The following SOX6 variants were observed in gnomAD, a reference collection of about 807,000 sequenced individuals.
SOX6 encodes the protein transcription factor SOX-6.
Under a neutral mutation model 97.8 loss-of-function variants are expected in SOX6, and 11 were observed. The ratio of observed to expected loss-of-function variants is 0.11; its 90% CI spans 0.07 to 0.19. The LOEUF is 0.19. SOX6 is among the 10% of genes least tolerant of loss of function. SOX6 has a pLI of 1.00. For synonymous variants in SOX6, 360 were observed against 371.4 expected (o/e 0.97, Z 0.35); for missense variants, 810 against 1,039.5 (o/e 0.78, Z 3.04).
chr11:16,124,310 T>C (rs1254746552), intron 6 of SOX6, among the ~76,000 whole-genome samples: 1 of 152,050 alleles, frequency 6.6e-6, no homozygotes, highest in Non-Finnish European at 1.5e-5. Context: ...CAAAAATACA[T>C]ATATATATGT....
intron 1 of SOX6, among the ~76,000 whole-genome samples, chr11:16,425,587 AG>A (rs1274555812): frequency 6.6e-6 from 1 of 152,212 alleles, no homozygotes; most frequent in Non-Finnish European, 1.5e-5. Context: ...TTAGCCCAAA[AG>A]CTTCTTAGGC....
intron 3 of SOX6, among the ~76,000 whole-genome samples, chr11:16,694,846 G>A (rs1848041511): frequency 6.6e-6 from 1 of 152,028 alleles, no homozygotes; most frequent in Admixed American, 6.6e-5. Flanking sequence ...AAAAAAGAAT[G>A]GTTGTATCTG....
At chr11:16,671,091 G>A (rs919141866) in intron 3 of SOX6, among the ~76,000 whole-genome samples, 2 of 152,190 alleles carry the variant, frequency 1.3e-5, no homozygotes, top group African/African-American at 4.8e-5. Context: ...TACAGATAAA[G>A]ATCCTGCACA....
At chr11:16,078,007 G>A (rs1239658281) in intron 9 of SOX6, among the ~76,000 whole-genome samples, 1 of 151,710 alleles carries the variant, frequency 6.6e-6, no homozygotes, top group African/African-American at 2.4e-5. Context: ...TTTCTTTCAG[G>A]GTGCTAAATA....
intron 4 of SOX6, among the ~76,000 whole-genome samples, chr11:16,580,213 T>G (rs1300201959): frequency 6.6e-6 from 1 of 152,092 alleles, no homozygotes; most frequent in Non-Finnish European, 1.5e-5. Flanking sequence ...GCATCCCTAC[T>G]AAAATATAAG....
chr11:16,169,319 AATATG>A (rs1465676531), intron 6 of SOX6, among the ~76,000 whole-genome samples: 4 of 152,120 alleles, frequency 2.6e-5, no homozygotes, highest in Non-Finnish European at 5.9e-5. Flanking sequence ...ATTATAATAT[AATATG>A]ATATAAAAGT....
At position 16,469,110 on chromosome 11, in the gene SOX6, C is replaced by CATA. The variant is rs565208549; in HGVS notation, c.-5+7202_-5+7204dup. 3.5e-3 allele frequency among the ~76,000 whole-genome samples: 531 copies of CATA among 150,348 alleles called. 3 individuals carry two copies. The highest frequency in any genetic ancestry group is 0.012 in the African/African-American group (498 of 41,032). On this transcript the variant is annotated intron_variant, in intron 1 of 15. Coordinates refer to the SOX6 transcript ENST00000396356. ...AAAAGTAATAAAGTGTAAAATAGGC[C>CATA]ATAATAATAATAATAGTAACTGAGT...
intron 9 of SOX6, among the ~76,000 whole-genome samples, chr11:16,062,997 C>T (rs1439826671): frequency 6.6e-6 from 1 of 151,716 alleles, no homozygotes; most frequent in African/African-American, 2.4e-5. Context: ...ATCACTTCAA[C>T]ATTACCAGAA....
intron 6 of SOX6, among the ~76,000 whole-genome samples, chr11:16,178,588 C>A (rs1356934603): frequency 6.6e-6 from 1 of 151,918 alleles, no homozygotes; most frequent in African/African-American, 2.4e-5. Context: ...TAATCCTAGA[C>A]TTCTAAGCTT....
chr11:16,560,404 T>C (rs180965013), intron 4 of SOX6, among the ~76,000 whole-genome samples: 2 of 148,576 alleles, frequency 1.3e-5, no homozygotes, highest in Admixed American at 1.4e-4. Context: ...AATATGTAAA[T>C]ATATACATAT....
At chr11:16,390,792 C>A (rs1231589841) in intron 1 of SOX6, among the ~76,000 whole-genome samples, 2 of 152,136 alleles carry the variant, frequency 1.3e-5, no homozygotes, top group South Asian at 2.1e-4. Flanking sequence ...GGCGATGCCT[C>A]AAGGATCTAG....
intron 3 of SOX6, chr11:16,612,361 G>A (rs1171519848): frequency 6.6e-6 from 1 of 152,208 alleles, no homozygotes; most frequent in Non-Finnish European, 1.5e-5. Flanking sequence ...TAGTCTCTAA[G>A]GCAATAAATC....
At chr11:16,233,274 A>G (rs2043736) in intron 4 of SOX6, among the ~76,000 whole-genome samples, 145,333 of 152,208 alleles carry the variant, frequency 0.95, 69,745 homozygotes, top group Middle Eastern at 1. Context: ...AGGATTGACA[A>G]AGTTGATGCG....
chr11:16,443,906 A>G lies in SOX6; in HGVS notation c.-5+32409T>C, dbSNP rs1354323175. On this transcript the variant is annotated intron_variant, in intron 1 of 15. Coordinates refer to the SOX6 transcript ENST00000396356. ...TGGGCACCTGTAGTCCCAGCTACTC[A>G]GGAGGCTGAGGCAGGAGAATCGCTT... Among the ~76,000 whole-genome samples the G allele has an allele frequency of 3.3e-5, 5 of 150,948 alleles. No individual in the cohort carries two copies. The Admixed American group carries it at 3.3e-4, about 10-fold the overall frequency.
chr11:16,536,808 C>G (rs1475181875), intron 4 of SOX6, among the ~76,000 whole-genome samples: 2 of 152,220 alleles, frequency 1.3e-5, no homozygotes, highest in African/African-American at 4.8e-5. Flanking sequence ...AAAGCTCAAA[C>G]TGGGCGGAGC....
chr11:16,149,201 G>A (rs1850395209), intron 6 of SOX6, among the ~76,000 whole-genome samples: 1 of 151,992 alleles, frequency 6.6e-6, no homozygotes, highest in South Asian at 2.1e-4. Flanking sequence ...GAAAGTTCAA[G>A]GTTTCTAAGC....
At chr11:16,386,468 C>A (rs1003853529) in intron 1 of SOX6, among the ~76,000 whole-genome samples, 16 of 152,180 alleles carry the variant, frequency 1.1e-4, no homozygotes, top group Admixed American at 2.6e-4. Flanking sequence ...CATATAGATA[C>A]AACACTCATT....
chr11:16,738,156 C>G (rs992348104), intron 1 of SOX6, among the ~76,000 whole-genome samples: 5 of 152,016 alleles, frequency 3.3e-5, no homozygotes, highest in African/African-American at 1.2e-4. Context: ...TTCATGAAAA[C>G]ATTTAGAAAG....
At chr11:16,398,407 G>A (rs1034881579) in intron 1 of SOX6, among the ~76,000 whole-genome samples, 1 of 151,302 alleles carries the variant, frequency 6.6e-6, no homozygotes, top group Non-Finnish European at 1.5e-5. Context: ...CATATTCCTG[G>A]ATGTGAATAA....
Sources: allele counts gnomAD v4.1 joint callset (sites outside exome capture counted in the v4.1 genomes callset), GRCh38; gene constraint gnomAD v4.1.1; transcripts MANE v1.5; gene names NCBI Gene and HGNC (gene_info 2026-07-23, HGNC 2026-07-21).